The following RIMS2 variants were observed in gnomAD, a reference collection of about 807,000 sequenced individuals.
RIMS2 encodes regulating synaptic membrane exocytosis 2.
A neutral mutation model predicts 174.4 loss-of-function variants in RIMS2; 59 were observed. The observed-to-expected ratio is 0.34, with a 90% CI of 0.27 to 0.42. RIMS2 has a LOEUF of 0.42. Ranked by LOEUF, RIMS2 falls within the 10% of genes least tolerant of loss-of-function variation. The pLI is 1.00. For synonymous variants in RIMS2, 606 were observed against 572.5 expected, an observed-to-expected ratio of 1.06 and a Z score of -0.84; for missense variants, 1,620 against 1,666.3, an observed-to-expected ratio of 0.97 and a Z score of 0.48.
intron 3 of RIMS2, among the ~76,000 whole-genome samples, chr8:103,777,996 T>G (rs2098337160): frequency 6.6e-6 from 1 of 152,022 alleles, no homozygotes; most frequent in South Asian, 2.1e-4. Flanking sequence ...TAAGTTATCT[T>G]TTCTTTGCTG....
chr8:103,998,431 A>G (rs1455069790), intron 17 of RIMS2, among the ~76,000 whole-genome samples: 1 of 151,876 alleles, frequency 6.6e-6, no homozygotes, highest in Non-Finnish European at 1.5e-5. Context: ...GTAGTAGGAC[A>G]TAAAAAATAC....
At chr8:104,210,014 G>A (rs1587468597) in intron 19 of RIMS2, among the ~76,000 whole-genome samples, 1 of 152,092 alleles carries the variant, frequency 6.6e-6, no homozygotes, top group South Asian at 2.1e-4. Context: ...GAGAAACAGA[G>A]GGACATGCAA....
chr8:104,090,620 A>C (rs115006925), intron 19 of RIMS2, among the ~76,000 whole-genome samples: 32 of 151,912 alleles, frequency 2.1e-4, no homozygotes, highest in African/African-American at 7.7e-4. Flanking sequence ...TCAGCCAAGA[A>C]GTGTCATATA....
chr8:103,767,076 G>A (rs373582178), intron 3 of RIMS2, among the ~76,000 whole-genome samples: 1 of 152,136 alleles, frequency 6.6e-6, no homozygotes, highest in Non-Finnish European at 1.5e-5. Context: ...TTTTGGCTCC[G>A]TACTATGGGC....
At chr8:103,763,124 AC>A (rs2098129874) in intron 2 of RIMS2, among the ~76,000 whole-genome samples, 1 of 152,030 alleles carries the variant, frequency 6.6e-6, no homozygotes, top group Non-Finnish European at 1.5e-5. Context: ...AAGAAAGGTA[AC>A]CAGGGTGTCA....
At chr8:103,755,097 T>C (rs1385660549) in intron 2 of RIMS2, among the ~76,000 whole-genome samples, 2 of 152,226 alleles carry the variant, frequency 1.3e-5, no homozygotes, top group African/African-American at 2.4e-5. Context: ...TAGTGCTTCC[T>C]TCAAGAGCTC....
intron 1 of RIMS2, among the ~76,000 whole-genome samples, chr8:103,527,288 C>T (rs1309745127): frequency 6.6e-6 from 1 of 152,116 alleles, no homozygotes; most frequent in African/African-American, 2.4e-5. Flanking sequence ...TTCCAAGACC[C>T]CTTGCAGATA....
intron 19 of RIMS2, among the ~76,000 whole-genome samples, chr8:104,088,895 C>A (rs2097582388): frequency 6.6e-6 from 1 of 151,966 alleles, no homozygotes; most frequent in Non-Finnish European, 1.5e-5. Flanking sequence ...TACACTGTTA[C>A]TTTCCACTAA....
intron 19 of RIMS2, among the ~76,000 whole-genome samples, chr8:104,231,209 T>C (rs2099226293): frequency 6.6e-6 from 1 of 152,124 alleles, no homozygotes; most frequent in Admixed American, 6.6e-5. Context: ...TCTGGACCAA[T>C]CCAACATCAC....
At chr8:104,068,921 T>C (rs2097150243) in intron 19 of RIMS2, among the ~76,000 whole-genome samples, 1 of 152,190 alleles carries the variant, frequency 6.6e-6, no homozygotes, top group Admixed American at 6.5e-5. Context: ...ATGGTTTTCT[T>C]TCATATAGAT....
At chr8:104,240,370 C>T (rs1191550257) in intron 19 of RIMS2, among the ~76,000 whole-genome samples, 1 of 152,090 alleles carries the variant, frequency 6.6e-6, no homozygotes, top group Non-Finnish European at 1.5e-5. Flanking sequence ...TCATTTGGAA[C>T]ATTAAATGTG....
intron 1 of RIMS2, among the ~76,000 whole-genome samples, chr8:103,563,904 C>A (rs2091982197): frequency 6.6e-6 from 1 of 152,162 alleles, no homozygotes; most frequent in African/African-American, 2.4e-5. Flanking sequence ...CTTATAAAAC[C>A]AGCAAATCTC....
intron 2 of RIMS2, among the ~76,000 whole-genome samples, chr8:103,706,003 T>G (rs2097220651): frequency 6.6e-6 from 1 of 151,960 alleles, no homozygotes; most frequent in Admixed American, 6.6e-5. Flanking sequence ...TGTCTTCTTT[T>G]GTGGATAAGT....
chr8:104,100,260 T>C (rs1419416354), intron 19 of RIMS2, among the ~76,000 whole-genome samples: 1 of 152,222 alleles, frequency 6.6e-6, no homozygotes, highest in Non-Finnish European at 1.5e-5. Context: ...AATTGTTCAT[T>C]GCTAGTGTAT....
chr8:103,798,623 C>A (rs2098575887), intron 3 of RIMS2, among the ~76,000 whole-genome samples: 1 of 152,108 alleles, frequency 6.6e-6, no homozygotes, highest in African/African-American at 2.4e-5. Context: ...TTTTTGTATG[C>A]ATGCGTTTTA....
In RIMS2 at chr8:103,805,127, G is replaced by A. The variant is rs193281728; in HGVS notation, c.698+38590G>A. Among the ~76,000 whole-genome samples, 14 of 152,188 alleles carry A rather than the reference G, an allele frequency of 9.2e-5. No individual in the cohort carries two copies. The East Asian group carries it at 2.7e-3, about 29-fold the overall frequency. ...AAAAAGTGTGTGTATCTATTTTTAT[G>A]TATGTGTTTTTTTCTGTATGTGTAA... On this transcript the variant is annotated intron_variant, in intron 3 of 23. Coordinates refer to ENST00000504942, the Ensembl canonical transcript of RIMS2.
At position 104,223,703 on chromosome 8, in the gene RIMS2, C is replaced by A. The variant is rs771223551; in HGVS notation, c.3335-21213C>A. 92 of 1,592,072 alleles carry A rather than the reference C, an allele frequency of 5.8e-5. 1 individual carries two copies. Among genetic ancestry groups the A allele is most frequent in the South Asian group, 1.0e-4 (9 of 90,448 alleles). On this transcript the variant is annotated intron_variant, in intron 19 of 23. Transcript: ENST00000504942. ...CAGCGCTGCGGGGCGCTCCATGCAG[C>A]GCTCCCAGAGCCGGAGTAGCCTGTC...
chr8:103,683,566 A>G (rs375058677), intron 1 of RIMS2, among the ~76,000 whole-genome samples: 16 of 152,282 alleles, frequency 1.1e-4, no homozygotes, highest in Non-Finnish European at 1.8e-4. Flanking sequence ...CAGTACTCCA[A>G]TGCCTCCAGA....
At chr8:103,967,383 A>G (rs2092178057) in intron 15 of RIMS2, among the ~76,000 whole-genome samples, 2 of 151,562 alleles carry the variant, frequency 1.3e-5, no homozygotes, top group African/African-American at 4.9e-5. Flanking sequence ...TAGTAGAGAC[A>G]GGATTTCTCC....
Sources: gnomAD v4.1 joint callset for allele counts (sites outside exome capture counted in the v4.1 genomes callset) on GRCh38, gnomAD v4.1.1 for gene constraint, MANE v1.5 for transcripts, NCBI Gene and HGNC (gene_info 2026-07-23, HGNC 2026-07-21) for gene names.